The following SLC18A1 variants were observed in gnomAD, a reference collection of about 807,000 sequenced individuals.
The protein encoded by SLC18A1 is chromaffin granule amine transporter.
A neutral mutation model predicts 53.7 loss-of-function variants in SLC18A1; 69 were observed. That is an observed-to-expected ratio of 1.28 (90% CI 1.06 to 1.57). The LOEUF (loss-of-function observed/expected upper bound fraction) is 1.57, where lower values mean the gene tolerates loss of function less well. Among genes scored for constraint, SLC18A1 ranks in the 40% most tolerant of loss-of-function variants. The pLI, the probability that SLC18A1 is intolerant of heterozygous loss-of-function variation, is 0.00. For missense variants in SLC18A1, 932 were observed against 668.1 expected, an observed-to-expected ratio of 1.40 and a Z score of -4.35; for synonymous variants, 320 against 248.1, an observed-to-expected ratio of 1.29 and a Z score of -2.72.
Position 20,173,127 on chromosome 8 carries a change from A to C in SLC18A1, c.633T>G (p.Gly211=). The C allele has an allele frequency of 1.3e-6, 2 of 1,566,336 alleles. No individual in the cohort carries two copies. The highest frequency in any genetic ancestry group is 1.7e-6 in the Non-Finnish European group (2 of 1,155,936). The change falls in exon 6 of 16, where the codon GGT becomes GGG. Residue 211 remains glycine (G), a splice_region_variant and synonymous_variant. Coordinates refer to ENST00000276373, the MANE Select transcript of SLC18A1 (RefSeq NM_003053.4). ...GIGSSFSSVA[G]LGMLASVYTD... ...TGTAGACACTGGCCAGCATTCCAAG[A>C]CCTGCGCAGAGAGTTACAGATGCAG... is the stretch of plus-strand genomic sequence containing the variant.
chr8:20,146,040 A>G (rs923211830), intron 15 of SLC18A1, among the ~76,000 whole-genome samples, 164 bp from the exon 16 acceptor site: 1 of 151,594 alleles, frequency 6.6e-6, no homozygotes, highest in African/African-American at 2.4e-5. Context: ...CTCAGCCTCC[A>G]GAGTAGCTGG....
intron 12 of SLC18A1, among the ~76,000 whole-genome samples, chr8:20,149,362 C>T (rs1020105056): frequency 1.3e-5 from 2 of 152,004 alleles, no homozygotes; most frequent in Admixed American, 6.6e-5. Flanking sequence ...ACTTCATATG[C>T]CCACATGTAC....
intron 8 of SLC18A1, among the ~76,000 whole-genome samples, chr8:20,165,673 C>T (rs919101883): frequency 6.6e-6 from 1 of 152,194 alleles, no homozygotes; most frequent in African/African-American, 2.4e-5. Flanking sequence ...ACACTCTCAT[C>T]TAAACTTGGT....
chr8:20,180,356 A>G (rs1235985312), intron 2 of SLC18A1, among the ~76,000 whole-genome samples: 1 of 152,218 alleles, frequency 6.6e-6, no homozygotes, highest in Non-Finnish European at 1.5e-5. Context: ...TAATGTAATG[A>G]TTAGGAGAGT....
Position 20,180,934 on chromosome 8 carries a change from G to A in SLC18A1, c.31C>T (p.Arg11Trp), listed in dbSNP as rs117666725. Reference sequence around the variant, plus strand: ...GACGCTCTCCCCTCCTTCAGCAACCGCTGGGGAGCATCCAGAATGGTCCGG... The same window carrying A: ...GACGCTCTCCCCTCCTTCAGCAACCACTGGGGAGCATCCAGAATGGTCCGG... MLRTILDAPQ[R>W]LLKEGRASRQ... Residue 11 changes from arginine (R) to tryptophan (W), a missense_variant, in exon 2 of 16, where the codon CGG becomes TGG. Coordinates refer to ENST00000276373, the MANE Select transcript of SLC18A1 (RefSeq NM_003053.4). The A allele has an allele frequency of 7.7e-4, 1,232 of 1,598,316 alleles. 9 individuals are homozygous for A. In the East Asian group the frequency reaches 0.024, roughly 31 times the overall value.
At position 20,178,442 on chromosome 8, in the gene SLC18A1, G is replaced by A. The variant is rs969806487; in HGVS notation, c.540C>T (p.Ser180=). The A allele has an allele frequency of 6.2e-7, 1 of 1,610,108 alleles. No homozygotes were observed. The highest frequency in any genetic ancestry group is 1.7e-5 in the Admixed American group (1 of 59,722). ...MFAGFVIMFL[S]TVMFAFSGTY... Reference sequence around the variant, plus strand: ...AGGAAGCAAATTACTTACTAACTGTGGAGAGAAACATGATAACAAAGCCAG... The same window carrying A: ...AGGAAGCAAATTACTTACTAACTGTAGAGAGAAACATGATAACAAAGCCAG... Residue 180 remains serine (S), a synonymous_variant, in exon 4 of 16, where the codon TCC becomes TCT. Transcript: ENST00000276373.
chr8:20,174,396 A>G lies in SLC18A1; in HGVS notation c.596T>C (p.Leu199Pro), dbSNP rs1411062954. Residue 199 changes from leucine to proline, a missense_variant, in exon 5 of 16, where the codon CTT (leucine) becomes CCT (proline). Leu to Pro is a moderately conservative substitution (Grantham distance 98, BLOSUM62 -3). Transcript: ENST00000276373. ...TGAAAATGAAGATCCAATGCCTTGAAGGGTTCGGGCCACAAAGAGTAGAGT... is the reference window on the plus strand; with the variant it reads ...TGAAAATGAAGATCCAATGCCTTGAGGGGTTCGGGCCACAAAGAGTAGAGT... Reference protein sequence around the residue: ...TYTLLFVARTLQGIGSSFSSV... With the variant: ...TYTLLFVARTPQGIGSSFSSV... 1 of 1,613,994 alleles carries G rather than the reference A, an allele frequency of 6.2e-7. No individual in the cohort carries two copies. Among genetic ancestry groups the G allele is most frequent in the Non-Finnish European group, 8.5e-7 (1 of 1,179,994 alleles).
At position 20,179,108 on chromosome 8, in the gene SLC18A1, C is replaced by A. The variant is rs1262517440; in HGVS notation, c.488+13G>T. On this transcript the variant is annotated intron_variant, in intron 3 of 15. Coordinates refer to ENST00000276373, the MANE Select transcript of SLC18A1 (RefSeq NM_003053.4). The stretch of plus-strand genomic sequence containing the variant: ...CCTGTGTACCCTGCGGGGCACTGCA[C>A]CCAGTGAGATACCTGTTGGTGAGAG... The A allele has an allele frequency of 6.2e-7, 1 of 1,604,014 alleles. No homozygotes were observed. The highest frequency in any genetic ancestry group is 1.7e-5 in the Admixed American group (1 of 59,560).
At position 20,145,777 on chromosome 8, in the gene SLC18A1, C is replaced by A. The variant is rs2071379790; in HGVS notation, c.1564G>T (p.Asp522Tyr). The A allele has an allele frequency of 1.2e-6, 2 of 1,607,482 alleles. No homozygotes were observed. Among genetic ancestry groups the A allele is most frequent in the South Asian group, 1.1e-5 (1 of 89,680 alleles). ...ACCTTCTGCTGCTACTCCTCATGGTCAGGCTCCTCATCACTGTCCTCCCCC... is the reference window on the plus strand; with the variant it reads ...ACCTTCTGCTGCTACTCCTCATGGTAAGGCTCCTCATCACTGTCCTCCCCC... ...PLGEDSDEEP[D>Y]HEE Residue 522 changes from aspartate to tyrosine, a missense_variant, in exon 16 of 16, where the codon GAC (aspartate) becomes TAC (tyrosine). Physicochemically the swap from Asp to Tyr is radical, Grantham distance 160. Transcript: ENST00000276373.
At chr8:20,171,067 T>C in intron 8 of SLC18A1, 36 bp downstream of exon 8, 2 of 1,608,822 alleles carry the variant, frequency 1.2e-6, no homozygotes, top group African/African-American at 2.7e-5. Context: ...AGCCATCCTG[T>C]ATAACTGTTA....
At chr8:20,146,019 C>T (rs1190395856) in intron 15 of SLC18A1, 143 bp from the exon 16 acceptor site, 16 of 440,816 alleles carry the variant, frequency 3.6e-5, no homozygotes, top group African/African-American at 2.5e-4. Flanking sequence ...GGGTTCATGC[C>T]GTTCTCCTGC....
Position 20,164,955 on chromosome 8 carries a change from C to A in SLC18A1, c.929G>T (p.Cys310Phe), listed in dbSNP as rs1008649382. 1 of 1,613,932 alleles carries A rather than the reference C, an allele frequency of 6.2e-7. No individual in the cohort carries two copies. Among genetic ancestry groups the A allele is most frequent in the Non-Finnish European group, 8.5e-7 (1 of 1,179,854 alleles). Residue 310 changes from cysteine (C) to phenylalanine (F), a missense_variant, in exon 10 of 16, where the codon TGC (cysteine) becomes TTC (phenylalanine). Transcript: ENST00000276373. Reference protein sequence around the residue: ...PYILVAAGSICFANMGVAILE... With the variant: ...PYILVAAGSIFFANMGVAILE... ...GATGGCCACCCCCATGTTGGCAAAG[C>A]AGATGGACCCTGGGGAGACTGTTCT...
intron 2 of SLC18A1, 21 bp from the exon 3 acceptor site, chr8:20,179,505 G>A (rs1438585640): frequency 6.3e-7 from 1 of 1,593,792 alleles, no homozygotes. Flanking sequence ...AAGAGGACAG[G>A]TGATGGGGGC....
chr8:20,149,805 C>T (rs775688265), intron 11 of SLC18A1, 78 bp from the exon 12 acceptor site: 23 of 1,363,844 alleles, frequency 1.7e-5, no homozygotes, highest in Non-Finnish European at 2.3e-5. Context: ...GCCATGCTGA[C>T]CTGTCCCACC....
chr8:20,165,963 C>G (rs1026262026), intron 8 of SLC18A1, among the ~76,000 whole-genome samples: 1 of 152,096 alleles, frequency 6.6e-6, no homozygotes, highest in Non-Finnish European at 1.5e-5. Flanking sequence ...CCTCTCTGCA[C>G]ACACACAATA....
In SLC18A1 at chr8:20,164,849, G is replaced by T. The variant is rs960328633; in HGVS notation, c.1015+20C>A. The T allele has an allele frequency of 6.3e-7, 1 of 1,583,520 alleles. No homozygotes were observed. Among genetic ancestry groups the T allele is most frequent in the Admixed American group, 1.7e-5 (1 of 58,500 alleles). On this transcript the variant is annotated intron_variant, in intron 10 of 15. Coordinates refer to ENST00000276373, the MANE Select transcript of SLC18A1 (RefSeq NM_003053.4). ...ACCTCCTCCTGCCAGGCCCTGAGCGGGGGTGCTGAGGTCACTTACCCAGCT... is the reference window on the plus strand; with the variant it reads ...ACCTCCTCCTGCCAGGCCCTGAGCGTGGGTGCTGAGGTCACTTACCCAGCT...
intron 10 of SLC18A1, among the ~76,000 whole-genome samples, chr8:20,154,756 G>A (rs1366782746): frequency 6.6e-6 from 1 of 152,160 alleles, no homozygotes; most frequent in Non-Finnish European, 1.5e-5. Flanking sequence ...TGGGAGCTCT[G>A]TTTTCACTCT....
rs140993949 is a variant in SLC18A1 at position 20,168,335 on chromosome 8, C to A, written c.858+2768G>T. On this transcript the variant is annotated intron_variant, in intron 8 of 15. Coordinates refer to ENST00000276373, the MANE Select transcript of SLC18A1 (RefSeq NM_003053.4). ...TGAGCCATGATCACACCTCTACACTCCAGCCTCAGTCACAGAAAGAGGCCC... is the reference window on the plus strand; with the variant it reads ...TGAGCCATGATCACACCTCTACACTACAGCCTCAGTCACAGAAAGAGGCCC... Among the ~76,000 whole-genome samples the A allele has an allele frequency of 3.0e-4, 46 of 152,010 alleles. No individual in the cohort carries two copies. In the East Asian group the frequency reaches 8.7e-3, roughly 29 times the overall value.
chr8:20,147,211 G>C, intron 15 of SLC18A1, 47 bp downstream of exon 15: 1 of 1,557,252 alleles, frequency 6.4e-7, no homozygotes, highest in Non-Finnish European at 8.7e-7. Flanking sequence ...AGAGATGATG[G>C]AAAGAAACAG....
Sources: gnomAD v4.1 joint callset for allele counts (sites outside exome capture counted in the v4.1 genomes callset) on GRCh38, gnomAD v4.1.1 for gene constraint, MANE v1.5 for transcripts, NCBI Gene and HGNC (gene_info 2026-07-23, HGNC 2026-07-21) for gene names.